The following ARHGAP26 variants were observed in gnomAD, a reference collection of about 807,000 sequenced individuals.
ARHGAP26 encodes Rho GTPase activating protein 26.
ARHGAP26 carries 38 observed loss-of-function variants against 104.8 expected under a neutral mutation model. That is an observed-to-expected ratio of 0.36 (90% confidence interval 0.28 to 0.48). ARHGAP26 has a LOEUF of 0.48. ARHGAP26 is among the 20% of genes least tolerant of loss of function. ARHGAP26 has a pLI of 0.99. For missense variants in ARHGAP26, 704 were observed against 947.9 expected (o/e 0.74, Z 3.38); for synonymous variants, 341 against 340.0 (o/e 1.00, Z -0.03).
chr5:142,995,819 A>G (rs1776298342), intron 11 of ARHGAP26, among the ~76,000 whole-genome samples: 1 of 152,250 alleles, frequency 6.6e-6, no homozygotes, highest in South Asian at 2.1e-4. Context: ...ACACCATGGA[A>G]TACTATGCAG....
chr5:142,873,280 A>G, intron 1 of ARHGAP26, 120 bp from the exon 2 acceptor site: 1 of 661,294 alleles, frequency 1.5e-6, no homozygotes, highest in Non-Finnish European at 2.6e-6. Context: ...TGTGCTTTGA[A>G]ATGGACTCAG....
chr5:143,215,419 G>T (rs1223470751), intron 22 of ARHGAP26, among the ~76,000 whole-genome samples: 1 of 152,162 alleles, frequency 6.6e-6, no homozygotes, highest in Admixed American at 6.5e-5. Context: ...TCTTCTTTTT[G>T]ATTCCTTTTG....
At chr5:142,913,389 T>C in intron 10 of ARHGAP26, 96 bp downstream of exon 10, 1 of 1,073,400 alleles carries the variant, frequency 9.3e-7, no homozygotes, top group South Asian at 1.3e-5. Flanking sequence ...TTTTTTCCCC[T>C]TCTCCCCCTC....
intron 10 of ARHGAP26, chr5:142,915,596 G>T (rs1762370689): frequency 6.6e-6 from 1 of 152,250 alleles, no homozygotes; most frequent in Middle Eastern, 3.1e-3. Flanking sequence ...CTGACCTCAA[G>T]TGATCCACCC....
chr5:143,120,255 G>A (rs1795979177), intron 17 of ARHGAP26, among the ~76,000 whole-genome samples: 1 of 152,208 alleles, frequency 6.6e-6, no homozygotes, highest in African/African-American at 2.4e-5. Flanking sequence ...CATCTTTTGA[G>A]TAGTTGTTTA....
intron 1 of ARHGAP26, among the ~76,000 whole-genome samples, chr5:142,847,520 G>C (rs1028547692): frequency 2.0e-5 from 3 of 152,256 alleles, no homozygotes; most frequent in Middle Eastern, 3.4e-3. Context: ...ACCATGCCTG[G>C]CTAATTTTGT....
rs150525986 is a variant in ARHGAP26, at chr5:142,878,965, T to C, written c.313-409T>C. Among the ~76,000 whole-genome samples, 53 of 152,276 alleles carry C rather than the reference T, an allele frequency of 3.5e-4. 1 individual carries two copies. The East Asian group carries it at 9.5e-3, about 27-fold the overall frequency. On this transcript the variant is annotated intron_variant, in intron 3 of 22. Transcript: ENST00000645722. Reference sequence around the variant, plus strand: ...CATCAGATGTCCAGAGGTGTTTCTTTGTTTATTTGTTTTTAACCTAGACTC... The same window carrying C: ...CATCAGATGTCCAGAGGTGTTTCTTCGTTTATTTGTTTTTAACCTAGACTC...
At chr5:142,816,103 G>T (rs1765084918) in intron 1 of ARHGAP26, among the ~76,000 whole-genome samples, 1 of 152,072 alleles carries the variant, frequency 6.6e-6, no homozygotes, top group Admixed American at 6.5e-5. Context: ...CAGCCCCTCT[G>T]TGCTTCTGTA....
chr5:142,831,730 C>G (rs1032236697), intron 1 of ARHGAP26, among the ~76,000 whole-genome samples: 2 of 152,122 alleles, frequency 1.3e-5, no homozygotes, highest in African/African-American at 4.8e-5. Flanking sequence ...TGAAGCCCTT[C>G]TCTTACCACC....
chr5:143,182,589 A>G (rs1804541183), intron 20 of ARHGAP26, among the ~76,000 whole-genome samples: 1 of 152,214 alleles, frequency 6.6e-6, no homozygotes, highest in African/African-American at 2.4e-5. Flanking sequence ...TCCTTTACCC[A>G]AACCCTGTCA....
chr5:142,857,532 G>C (rs868302258), intron 1 of ARHGAP26, among the ~76,000 whole-genome samples: 1 of 152,132 alleles, frequency 6.6e-6, no homozygotes, highest in Non-Finnish European at 1.5e-5. Context: ...GGGTCACCTC[G>C]TCCCTCCTGC....
At chr5:142,977,784 A>C (rs552499382) in intron 11 of ARHGAP26, among the ~76,000 whole-genome samples, 1 of 152,352 alleles carries the variant, frequency 6.6e-6, no homozygotes, top group South Asian at 2.1e-4. Flanking sequence ...ACAAAAATTC[A>C]CGGAGGAAGT....
chr5:143,196,519 C>T (rs931952919), intron 20 of ARHGAP26, among the ~76,000 whole-genome samples: 1 of 152,126 alleles, frequency 6.6e-6, no homozygotes, highest in South Asian at 2.1e-4. Flanking sequence ...CTAAAGTCAC[C>T]TCATTTAATA....
intron 20 of ARHGAP26, among the ~76,000 whole-genome samples, chr5:143,192,094 A>G (rs1426764592): frequency 3.3e-5 from 5 of 152,220 alleles, no homozygotes; most frequent in African/African-American, 1.2e-4. Context: ...AGTTCTAAGC[A>G]TTCACAGTGT....
chr5:143,216,043 A>AAGTTGC (rs1277752131), intron 22 of ARHGAP26: 2 of 385,268 alleles, frequency 5.2e-6, no homozygotes, highest in African/African-American at 4.2e-5. Context: ...TTTCACAAAG[A>AAGTTGC]AGTTGCACCA....
chr5:142,852,407 C>G (rs1427088327), intron 1 of ARHGAP26, among the ~76,000 whole-genome samples: 4 of 152,212 alleles, frequency 2.6e-5, no homozygotes, highest in Non-Finnish European at 2.9e-5. Flanking sequence ...CAAAGGCATT[C>G]TTGGGAAAGC....
intron 11 of ARHGAP26, among the ~76,000 whole-genome samples, chr5:143,012,576 T>TATATATATATATATATATATATATATATA (rs1554195628): frequency 4.0e-4 from 23 of 57,020 alleles, no homozygotes; most frequent in African/African-American, 5.5e-4. Context: ...TATATATATA[T>TATATATATATATATATATATATATATATA]TATGATCAGG....
intron 22 of ARHGAP26, among the ~76,000 whole-genome samples, chr5:143,221,329 G>C (rs1032342670): frequency 3.3e-5 from 5 of 151,446 alleles, no homozygotes; most frequent in African/African-American, 1.2e-4. Flanking sequence ...GTATATAGAG[G>C]AGGGGGAAAT....
intron 1 of ARHGAP26, among the ~76,000 whole-genome samples, chr5:142,798,011 T>G (rs907948382): frequency 5.3e-5 from 8 of 152,210 alleles, no homozygotes; most frequent in Non-Finnish European, 1.2e-4. Context: ...CCTTTCTCTT[T>G]CTTGATGTCT....
Sources: allele counts gnomAD v4.1 joint callset (sites outside exome capture counted in the v4.1 genomes callset), GRCh38; gene constraint gnomAD v4.1.1; transcripts MANE v1.5; gene names NCBI Gene and HGNC (gene_info 2026-07-23, HGNC 2026-07-21).